The following MARCHF10 variants were observed in gnomAD, a reference collection of about 807,000 sequenced individuals.
MARCHF10 encodes the protein membrane associated ring-CH-type finger 10.
In MARCHF10, 64 loss-of-function variants were observed where a neutral mutation model predicts 76.2. The observed-to-expected ratio is 0.84, with a 90% CI of 0.69 to 1.03. The LOEUF (loss-of-function observed/expected upper bound fraction) is 1.03. Among genes scored for constraint, MARCHF10 ranks in the 50% least tolerant of loss-of-function variants. The pLI is 0.00. For missense variants in MARCHF10, 875 were observed against 958.0 expected, an observed-to-expected ratio of 0.91 and a Z score of 1.14; for synonymous variants, 340 against 357.5, an observed-to-expected ratio of 0.95 and a Z score of 0.55.
intron 8 of MARCHF10, among the ~76,000 whole-genome samples, chr17:62,716,160 CT>C (rs1178929386): frequency 6.6e-6 from 1 of 152,228 alleles, no homozygotes; most frequent in African/African-American, 2.4e-5. Flanking sequence ...CTGCATGGTC[CT>C]TGTTTTGACC....
At chr17:62,737,389 C>A in intron 5 of MARCHF10, 57 bp from the exon 6 acceptor site, 1 of 1,525,422 alleles carries the variant, frequency 6.6e-7, no homozygotes, top group Non-Finnish European at 8.9e-7. Flanking sequence ...GGATGAAAGG[C>A]CTCTAGCACC....
Position 62,759,928 on chromosome 17 carries a change from G to C in MARCHF10, c.289C>G (p.Pro97Ala). The change falls in exon 4 of 11, where the codon CCA becomes GCA. Residue 97 changes from proline to alanine, a missense_variant. Transcript: ENST00000311269. ...ISAFKCDSKL[P>A]AIDQTSVKQK... ...TTGACTGATGTTTGGTCAATTGCTG[G>C]AAGTTTGGAGTCACACTTAAATGCA... 1.9e-6 allele frequency: 3 copies of C among 1,614,042 alleles called. No individual in the cohort carries two copies. The highest frequency in any genetic ancestry group is 2.5e-6 in the Non-Finnish European group (3 of 1,180,000).
At chr17:62,772,422 G>T (rs1310957737) in intron 3 of MARCHF10, among the ~76,000 whole-genome samples, 1 of 152,204 alleles carries the variant, frequency 6.6e-6, no homozygotes, top group African/African-American at 2.4e-5. Flanking sequence ...TCTTGGGTAT[G>T]TCTTTATCAG....
chr17:62,755,494 T>C (rs1034125736), intron 4 of MARCHF10, among the ~76,000 whole-genome samples: 13 of 152,218 alleles, frequency 8.5e-5, no homozygotes, highest in Non-Finnish European at 1.3e-4. Flanking sequence ...CCTGTGCCTC[T>C]GCACTCGCTG....
At chr17:62,735,841 A>T in intron 6 of MARCHF10, 90 bp downstream of exon 6, 1 of 1,230,514 alleles carries the variant, frequency 8.1e-7, no homozygotes, top group Non-Finnish European at 1.1e-6. Flanking sequence ...CCCATTTATG[A>T]CTTAAAATTC....
intron 2 of MARCHF10, among the ~76,000 whole-genome samples, chr17:62,801,261 C>G (rs1488286001): frequency 6.6e-6 from 1 of 152,048 alleles, no homozygotes. Flanking sequence ...CGGGTTCAAG[C>G]GATTCTCCTG....
chr17:62,751,603 G>C (rs1445148768), intron 4 of MARCHF10, among the ~76,000 whole-genome samples: 2 of 152,224 alleles, frequency 1.3e-5, no homozygotes, highest in Admixed American at 1.3e-4. Context: ...GGGACAGGAA[G>C]CAGGAATTTT....
chr17:62,729,889 A>G (rs1451945693), intron 6 of MARCHF10, among the ~76,000 whole-genome samples: 1 of 152,218 alleles, frequency 6.6e-6, no homozygotes, highest in African/African-American at 2.4e-5. Flanking sequence ...ATATTTTTAA[A>G]AAACCATAAA....
At chr17:62,721,020 A>T (rs2090460984) in intron 8 of MARCHF10, among the ~76,000 whole-genome samples, 1 of 152,038 alleles carries the variant, frequency 6.6e-6, no homozygotes, top group Non-Finnish European at 1.5e-5. Context: ...GGCATGCGCC[A>T]CCACGCCCAG....
chr17:62,778,732 A>G (rs2092600489), intron 3 of MARCHF10, among the ~76,000 whole-genome samples: 1 of 151,856 alleles, frequency 6.6e-6, no homozygotes, highest in Non-Finnish European at 1.5e-5. Context: ...GGGCCCTACA[A>G]AGGCAGGTAA....
At chr17:62,747,186 A>G (rs2091735929) in intron 4 of MARCHF10, among the ~76,000 whole-genome samples, 1 of 152,228 alleles carries the variant, frequency 6.6e-6, no homozygotes, top group Non-Finnish European at 1.5e-5. Context: ...GACAAATATT[A>G]GTATGATTTG....
At chr17:62,707,163 GC>G (rs974059849) in intron 9 of MARCHF10, among the ~76,000 whole-genome samples, 12 of 152,160 alleles carry the variant, frequency 7.9e-5, no homozygotes, top group African/African-American at 2.7e-4. Flanking sequence ...CAATGTGGCT[GC>G]CCAAGTTCTC....
At chr17:62,741,151 C>A (rs2091490142) in intron 5 of MARCHF10, among the ~76,000 whole-genome samples, 1 of 152,040 alleles carries the variant, frequency 6.6e-6, no homozygotes, top group Non-Finnish European at 1.5e-5. Flanking sequence ...TTATGCCATG[C>A]CATTAGCTAT....
chr17:62,704,481 C>T (rs1174994907), intron 10 of MARCHF10, among the ~76,000 whole-genome samples: 5 of 152,234 alleles, frequency 3.3e-5, no homozygotes, highest in African/African-American at 9.6e-5. Flanking sequence ...ATGGTCAGTT[C>T]GGCTTCGCAG....
rs191332509 is a variant in MARCHF10, at chr17:62,803,361, G to A, written c.-17-1609C>T. Among the ~76,000 whole-genome samples, 401 of 152,188 alleles carry A rather than the reference G, an allele frequency of 2.6e-3. 2 individuals carry two copies. The highest frequency in any genetic ancestry group is 9.5e-3 in the African/African-American group (394 of 41,512). On this transcript the variant is annotated intron_variant, in intron 1 of 10. Transcript: ENST00000311269. ...GTATGAGAATGGATGGGGTGGGGGT[G>A]ATGGTGGTAGAGTAAAACAAAGAAG...
intron 3 of MARCHF10, among the ~76,000 whole-genome samples, chr17:62,779,292 C>T (rs2092612877): frequency 1.3e-5 from 2 of 152,192 alleles, no homozygotes; most frequent in South Asian, 4.1e-4. Context: ...AGAAGAGGCC[C>T]GACCCACAAG....
chr17:62,798,598 G>A (rs373314832), intron 2 of MARCHF10, among the ~76,000 whole-genome samples: 2 of 152,142 alleles, frequency 1.3e-5, no homozygotes, highest in African/African-American at 2.4e-5. Context: ...AGAGGAGAGC[G>A]GAGGTGATGG....
At chr17:62,740,764 C>T (rs143274463) in intron 5 of MARCHF10, among the ~76,000 whole-genome samples, 6,062 of 151,878 alleles carry the variant, frequency 0.04, 431 homozygotes, top group African/African-American at 0.14. Context: ...GTAGCTGGGA[C>T]TACAGGTGCA....
At chr17:62,800,195 A>G (rs1266276945) in intron 2 of MARCHF10, among the ~76,000 whole-genome samples, 1 of 152,246 alleles carries the variant, frequency 6.6e-6, no homozygotes, top group Non-Finnish European at 1.5e-5. Context: ...TGAATGAATG[A>G]AAAGGCAGTG....
Sources: gnomAD v4.1 joint callset for allele counts (sites outside exome capture counted in the v4.1 genomes callset) on GRCh38, gnomAD v4.1.1 for gene constraint, MANE v1.5 for transcripts, NCBI Gene and HGNC (gene_info 2026-07-23, HGNC 2026-07-21) for gene names.